CAMTA1: variants seen among roughly 807,000 people sequenced by gnomAD.
The protein encoded by CAMTA1 is calmodulin binding transcription activator 1, also known as calmodulin-binding transcription activator 1.
In CAMTA1, 27 loss-of-function variants were observed where a neutral mutation model predicts 170.9. The observed-to-expected ratio is 0.16, with a 90% CI of 0.12 to 0.22. CAMTA1 has a LOEUF of 0.22. CAMTA1 is among the 10% of genes least tolerant of loss of function. CAMTA1 has a pLI of 1.00. For synonymous variants in CAMTA1, 833 were observed against 891.5 expected (o/e 0.93, Z 1.17); for missense variants, 1,619 against 2,217.2 (o/e 0.73, Z 5.42).
At chr1:7,098,118 T>TGTGTGTGCAC (rs1642291836) in intron 4 of CAMTA1, among the ~76,000 whole-genome samples, 1 of 151,966 alleles carries the variant, frequency 6.6e-6, no homozygotes, top group African/African-American at 2.4e-5. Context: ...TGTGTGTGTG[T>TGTGTGTGCAC]GTGCACGTGC....
At chr1:7,439,941 T>A (rs548539262) in intron 5 of CAMTA1, among the ~76,000 whole-genome samples, 73 of 152,366 alleles carry the variant, frequency 4.8e-4, no homozygotes, top group Non-Finnish European at 6.5e-4. Flanking sequence ...CGGAGATCCC[T>A]TCACAGAATC....
At chr1:6,854,871 A>G (rs1661703103) in intron 3 of CAMTA1, among the ~76,000 whole-genome samples, 1 of 152,236 alleles carries the variant, frequency 6.6e-6, no homozygotes, top group Non-Finnish European at 1.5e-5. Flanking sequence ...TTAATTTGAT[A>G]AAGATTACTC....
At chr1:7,324,759 A>T (rs1679030965) in intron 5 of CAMTA1, among the ~76,000 whole-genome samples, 1 of 150,498 alleles carries the variant, frequency 6.6e-6, no homozygotes, top group Non-Finnish European at 1.5e-5. Flanking sequence ...GTGACCCGAG[A>T]TCGCGCCACT....
At chr1:7,427,852 C>G (rs1309420468) in intron 5 of CAMTA1, among the ~76,000 whole-genome samples, 1 of 152,148 alleles carries the variant, frequency 6.6e-6, no homozygotes, top group African/African-American at 2.4e-5. Flanking sequence ...CTAGGGTGAG[C>G]CTTGAGGTAC....
chr1:7,704,789 GGGGCCGGGCT>G (rs1269301631), intron 11 of CAMTA1, among the ~76,000 whole-genome samples: 1 of 147,700 alleles, frequency 6.8e-6, no homozygotes, highest in Non-Finnish European at 1.5e-5. Flanking sequence ...GAGCGGGCGC[GGGGCCGGGCT>G]GGGCCGGGCC....
rs1666239686 is a variant in CAMTA1, at chr1:7,248,952, T to C, written c.303-539T>C. 6.6e-6 allele frequency among the ~76,000 whole-genome samples: 1 copy of C among 152,190 alleles called. No homozygotes were observed. ...GCAAGACCGCAGATGCTCTTTCATA[T>C]CTAGCAGTAATCTAAATGCAGGCAA... is the stretch of plus-strand genomic sequence containing the variant. On this transcript the variant is annotated intron_variant, in intron 4 of 22. Transcript: ENST00000303635. The surrounding 1 kb of genome is among the most constrained non-coding windows in gnomAD (Gnocchi z 4.0).
chr1:6,985,136 T>G (rs1695144362), intron 3 of CAMTA1, among the ~76,000 whole-genome samples: 1 of 152,228 alleles, frequency 6.6e-6, no homozygotes, highest in South Asian at 2.1e-4. Context: ...CCGGGAAACC[T>G]GCCCATTTGG....
At chr1:6,942,394 C>T (rs1281846420) in intron 3 of CAMTA1, among the ~76,000 whole-genome samples, 1 of 152,088 alleles carries the variant, frequency 6.6e-6, no homozygotes, top group Non-Finnish European at 1.5e-5. Flanking sequence ...TACTGTGGCT[C>T]ATGCTATAAT....
Position 7,736,828 on chromosome 1 carries a change from A to T in CAMTA1, c.3264-103A>T. 1.1e-6 allele frequency: 1 copy of T among 934,848 alleles called. No homozygotes were observed. Among genetic ancestry groups the T allele is most frequent in the Admixed American group, 2.0e-5 (1 of 49,112 alleles). The allele number at this position is 934,848 out of a possible 1,614,324, so 57.9% of individuals were successfully genotyped here. A position where few individuals can be genotyped will look rare whatever the true frequency, so the allele number is the denominator to read the frequency against. Reference sequence around the variant, plus strand: ...TCTGTTTCTTCACCATGGGGATGTTATATACCCAGTTGGGTTTCATCTTGG... The same window carrying T: ...TCTGTTTCTTCACCATGGGGATGTTTTATACCCAGTTGGGTTTCATCTTGG... On this transcript the variant is annotated intron_variant, in intron 13 of 22. Transcript: ENST00000303635. This position sits in a 1 kb window ranked among gnomAD's most constrained non-coding sequence, Gnocchi z 4.5.
intron 3 of CAMTA1, among the ~76,000 whole-genome samples, chr1:7,025,253 G>T (rs1038208560): frequency 6.6e-6 from 1 of 152,236 alleles, no homozygotes; most frequent in African/African-American, 2.4e-5. Context: ...TGAATGCAAT[G>T]ATTTTTCCCC....
rs549722621 is a variant in CAMTA1 at position 7,466,671 on chromosome 1, G to A, written c.439-1159G>A. Among the ~76,000 whole-genome samples the A allele has an allele frequency of 3.9e-5, 6 of 152,312 alleles. No individual in the cohort carries two copies. The South Asian group carries it at 1.0e-3, about 26-fold the overall frequency. ...TTTTCCCACCTGGCAGATGTCCTGT[G>A]TGGCTCTGAGGAACTTTCCTCCCCT... On this transcript the variant is annotated intron_variant, in intron 5 of 22. Coordinates refer to ENST00000303635, the MANE Select transcript of CAMTA1 (RefSeq NM_015215.4).
At chr1:7,687,737 CCA>C (rs2096271038) in intron 11 of CAMTA1, among the ~76,000 whole-genome samples, 1 of 152,194 alleles carries the variant, frequency 6.6e-6, no homozygotes, top group African/African-American at 2.4e-5. Context: ...TGGAGATGTC[CCA>C]CATCTGTTCT....
At chr1:7,423,725 C>A (rs992626373) in intron 5 of CAMTA1, among the ~76,000 whole-genome samples, 1 of 152,138 alleles carries the variant, frequency 6.6e-6, no homozygotes, top group Non-Finnish European at 1.5e-5. Flanking sequence ...CTCCCAGGGC[C>A]ATCACTGGGT....
At chr1:7,243,176 G>A (rs1292644821) in intron 4 of CAMTA1, among the ~76,000 whole-genome samples, 1 of 152,140 alleles carries the variant, frequency 6.6e-6, no homozygotes, top group Non-Finnish European at 1.5e-5. Context: ...GGTAACGCTA[G>A]CCCCTATGCC....
rs990879535 is a variant in CAMTA1 at position 7,661,994 on chromosome 1, C to T, written c.805+128C>T. Reference sequence around the variant, plus strand: ...GAGGGAGGAGGGGGACAGTCAGGGACTGGGCGACACCACCGCACCCAGCAC... The same window carrying T: ...GAGGGAGGAGGGGGACAGTCAGGGATTGGGCGACACCACCGCACCCAGCAC... On this transcript the variant is annotated intron_variant, in intron 8 of 22. Coordinates refer to ENST00000303635, the MANE Select transcript of CAMTA1 (RefSeq NM_015215.4). 9.5e-5 allele frequency: 107 copies of T among 1,131,566 alleles called. 1 individual carries two copies. In the South Asian group the frequency reaches 1.5e-3, roughly 16 times the overall value. The allele number at this position is 1,131,566 out of a possible 1,614,324, so 70.1% of individuals were successfully genotyped here.
Position 7,680,585 on chromosome 1 carries a change from C to T in CAMTA1, c.2914+2852C>T, listed in dbSNP as rs1233873705. ...TGCGAGGACCGCGGGACTAGGAAGG[C>T]CTGAGCCCGGCCACCCGCCTCCGAG... On this transcript the variant is annotated intron_variant, in intron 11 of 22. Coordinates refer to ENST00000303635, the MANE Select transcript of CAMTA1 (RefSeq NM_015215.4). This position sits in a 1 kb window ranked among gnomAD's most constrained non-coding sequence, Gnocchi z 4.4. Among the ~76,000 whole-genome samples, 2 of 151,898 alleles carry T rather than the reference C, an allele frequency of 1.3e-5. No individual in the cohort carries two copies. Among genetic ancestry groups the T allele is most frequent in the Non-Finnish European group, 1.5e-5 (1 of 67,948 alleles).
chr1:7,611,044 G>T (rs1322965176), intron 6 of CAMTA1, among the ~76,000 whole-genome samples: 1 of 152,208 alleles, frequency 6.6e-6, no homozygotes, highest in Non-Finnish European at 1.5e-5. Flanking sequence ...AAATCACCTT[G>T]CCTCTCGAAG....
At chr1:7,204,898 C>T (rs1238865876) in intron 4 of CAMTA1, among the ~76,000 whole-genome samples, 11 of 143,424 alleles carry the variant, frequency 7.7e-5, no homozygotes, top group Admixed American at 5.8e-4. Context: ...GGCACGACCT[C>T]GGCTCACTGC....
chr1:7,578,582 C>T lies in CAMTA1; in HGVS notation c.511-61818C>T, dbSNP rs115905671. Among the ~76,000 whole-genome samples, 910 of 152,316 alleles carry T rather than the reference C, an allele frequency of 6.0e-3. 9 individuals are homozygous for T. Among genetic ancestry groups the T allele is most frequent in the African/African-American group, 0.021 (868 of 41,564 alleles). On this transcript the variant is annotated intron_variant, in intron 6 of 22. Transcript: ENST00000303635. ...TCCCATATCCGTGGCAATGGATGGC[C>T]GTGCCCTGTGGATATGGAGCTGTCT...
Sources: allele counts gnomAD v4.1 joint callset (sites outside exome capture counted in the v4.1 genomes callset), GRCh38; gene constraint gnomAD v4.1.1; non-coding constraint Gnocchi (gnomAD v3.1); transcripts MANE v1.5; gene names NCBI Gene and HGNC (gene_info 2026-07-23, HGNC 2026-07-21).